BMP5: variants seen among roughly 807,000 people sequenced by gnomAD.
BMP5 encodes bone morphogenetic protein 5.
A neutral mutation model predicts 46.6 loss-of-function variants in BMP5; 23 were observed. That is an observed-to-expected ratio of 0.49 (90% CI 0.35 to 0.70). The LOEUF (loss-of-function observed/expected upper bound fraction) is 0.70, where lower values mean the gene tolerates loss of function less well. BMP5 is among the 30% of genes least tolerant of loss of function. The pLI, the probability that BMP5 is intolerant of heterozygous loss-of-function variation, is 0.00. For missense variants in BMP5, 545 were observed against 565.6 expected, an observed-to-expected ratio of 0.96 and a Z score of 0.37; for synonymous variants, 204 against 191.9, an observed-to-expected ratio of 1.06 and a Z score of -0.52.
intron 1 of BMP5, among the ~76,000 whole-genome samples, chr6:55,852,727 C>T (rs1777276465): frequency 6.6e-6 from 1 of 152,134 alleles, no homozygotes. Context: ...TTCCAGACCT[C>T]TGTTAATTAT....
chr6:55,864,801 G>C (rs541719016), intron 1 of BMP5, among the ~76,000 whole-genome samples: 1 of 152,066 alleles, frequency 6.6e-6, no homozygotes, highest in East Asian at 1.9e-4. Context: ...ATGGCCTTTT[G>C]TGTGGCTTTG....
chr6:55,811,431 A>G (rs141069919), intron 2 of BMP5, among the ~76,000 whole-genome samples: 36 of 152,328 alleles, frequency 2.4e-4, no homozygotes, highest in African/African-American at 8.4e-4. Context: ...ATTTGTGAAA[A>G]AATTAATTCA....
chr6:55,758,266 G>A (rs944067903), intron 6 of BMP5, among the ~76,000 whole-genome samples: 3 of 151,726 alleles, frequency 2.0e-5, no homozygotes, highest in African/African-American at 7.3e-5. Flanking sequence ...TGTTTTCTAG[G>A]AGCCTCTCAT....
intron 1 of BMP5, among the ~76,000 whole-genome samples, chr6:55,867,570 G>A (rs1777679286): frequency 6.6e-6 from 1 of 152,152 alleles, no homozygotes; most frequent in South Asian, 2.1e-4. Flanking sequence ...GCCACAACAT[G>A]TAATCAAACA....
At chr6:55,759,493 G>T (rs1185739262) in intron 5 of BMP5, among the ~76,000 whole-genome samples, 1 of 151,852 alleles carries the variant, frequency 6.6e-6, no homozygotes, top group African/African-American at 2.4e-5. Context: ...AGGAAATGAT[G>T]AACTCTGGAA....
At chr6:55,767,850 C>T (rs1322554400) in intron 4 of BMP5, among the ~76,000 whole-genome samples, 2 of 151,888 alleles carry the variant, frequency 1.3e-5, no homozygotes, top group Admixed American at 6.6e-5. Context: ...TACTAAGCTG[C>T]AACAGTTGAA....
At chr6:55,871,441 T>C (rs1034026558) in intron 1 of BMP5, among the ~76,000 whole-genome samples, 3 of 151,832 alleles carry the variant, frequency 2.0e-5, no homozygotes, top group Non-Finnish European at 4.4e-5. Context: ...ATTTGTTTCT[T>C]CAAAATAAAC....
chr6:55,765,209 C>G (rs1317011176), intron 4 of BMP5, among the ~76,000 whole-genome samples: 1 of 151,908 alleles, frequency 6.6e-6, no homozygotes, highest in Non-Finnish European at 1.5e-5. Context: ...CAAAGACAAT[C>G]CAGGCCAAAA....
Position 55,875,501 on chromosome 6 carries a change from G to A in BMP5, c.-636C>T, listed in dbSNP as rs745621669. The A allele has an allele frequency of 2.6e-5, 4 of 153,598 alleles. No homozygotes were observed. The highest frequency in any genetic ancestry group is 4.3e-5 in the Non-Finnish European group (3 of 69,136). 9.5% of individuals were successfully genotyped at this position (153,598 alleles called of 1,614,324 possible). A position where few individuals can be genotyped will look rare whatever the true frequency, so the allele number is the denominator to read the frequency against. On this transcript the variant is annotated 5_prime_UTR_variant, in exon 1 of 7. Coordinates refer to ENST00000370830, the MANE Select transcript of BMP5 (RefSeq NM_021073.4). ...AATTTACTTGAAATCCTTCCTGTAAGTCCATTCAATCCCTTTCTCCTTCTT... is the reference window on the plus strand; with the variant it reads ...AATTTACTTGAAATCCTTCCTGTAAATCCATTCAATCCCTTTCTCCTTCTT...
chr6:55,861,607 G>GT (rs1045432183), intron 1 of BMP5, among the ~76,000 whole-genome samples: 1 of 152,082 alleles, frequency 6.6e-6, no homozygotes. Flanking sequence ...TGTTTCATGA[G>GT]TATTTGCCTC....
At chr6:55,870,843 T>C (rs1470973153) in intron 1 of BMP5, among the ~76,000 whole-genome samples, 1 of 152,076 alleles carries the variant, frequency 6.6e-6, no homozygotes, top group Non-Finnish European at 1.5e-5. Context: ...ATTTAAAAAA[T>C]TTAACAACAC....
chr6:55,778,693 T>C (rs1775236851), intron 3 of BMP5, among the ~76,000 whole-genome samples: 1 of 152,036 alleles, frequency 6.6e-6, no homozygotes, highest in Non-Finnish European at 1.5e-5. Flanking sequence ...AATATATGGG[T>C]ATATTATTTT....
intron 1 of BMP5, among the ~76,000 whole-genome samples, chr6:55,822,662 G>A (rs1776436672): frequency 1.3e-5 from 2 of 152,164 alleles, no homozygotes; most frequent in South Asian, 2.1e-4. Context: ...CCAACCTAAA[G>A]TGTGCACCTG....
intron 3 of BMP5, among the ~76,000 whole-genome samples, chr6:55,792,488 T>C (rs1431224657): frequency 6.8e-6 from 1 of 146,878 alleles, no homozygotes; most frequent in Non-Finnish European, 1.5e-5. Flanking sequence ...GAGCCGAGAT[T>C]GCGCCACTGC....
chr6:55,850,917 G>A (rs12215796), intron 1 of BMP5, among the ~76,000 whole-genome samples: 69,265 of 151,942 alleles, frequency 0.46, 16,228 homozygotes, highest in Middle Eastern at 0.55. Context: ...AATGCTTTAA[G>A]TGATGAAATG....
chr6:55,827,248 A>C (rs1382415775), intron 1 of BMP5, among the ~76,000 whole-genome samples: 1 of 151,786 alleles, frequency 6.6e-6, no homozygotes, highest in African/African-American at 2.4e-5. Flanking sequence ...AATATAGTAG[A>C]AAATTCTAAG....
At chr6:55,772,104 A>G (rs1178440528) in intron 4 of BMP5, among the ~76,000 whole-genome samples, 1 of 151,938 alleles carries the variant, frequency 6.6e-6, no homozygotes, top group Non-Finnish European at 1.5e-5. Context: ...CTCCAAAACC[A>G]TCTACCACAT....
chr6:55,859,701 A>C (rs1172544380), intron 1 of BMP5, among the ~76,000 whole-genome samples: 1 of 152,216 alleles, frequency 6.6e-6, no homozygotes, highest in Non-Finnish European at 1.5e-5. Context: ...CATAAAAGTG[A>C]CTACAATGTC....
chr6:55,807,285 T>A (rs541720339), intron 2 of BMP5, among the ~76,000 whole-genome samples: 2 of 152,352 alleles, frequency 1.3e-5, no homozygotes, highest in African/African-American at 4.8e-5. Context: ...GAAGGGATGT[T>A]GAACTTTATC....
Sources: gnomAD v4.1 joint callset for allele counts (sites outside exome capture counted in the v4.1 genomes callset) on GRCh38, gnomAD v4.1.1 for gene constraint, MANE v1.5 for transcripts, NCBI Gene and HGNC (gene_info 2026-07-23, HGNC 2026-07-21) for gene names.